Variants in MPHOSPH9 observed in about 807,000 individuals in gnomAD.
MPHOSPH9 encodes M-phase phosphoprotein 9.
A neutral mutation model predicts 145.5 loss-of-function variants in MPHOSPH9; 88 were observed. The observed-to-expected ratio is 0.60, with a 90% confidence interval of 0.51 to 0.72. The LOEUF (loss-of-function observed/expected upper bound fraction) is 0.72. Among genes scored for constraint, MPHOSPH9 ranks in the 30% least tolerant of loss-of-function variants. The pLI is 0.00. For synonymous variants in MPHOSPH9, 435 were observed against 486.2 expected, an observed-to-expected ratio of 0.89 and a Z score of 1.39; for missense variants, 1,238 against 1,386.6, an observed-to-expected ratio of 0.89 and a Z score of 1.70.
intron 17 of MPHOSPH9, chr12:123,166,418 T>G: frequency 1.9e-6 from 1 of 522,466 alleles, no homozygotes; most frequent in South Asian, 2.3e-5. Flanking sequence ...AGGATCGACA[T>G]CCTATCCTAA....
chr12:123,163,066 A>C lies in MPHOSPH9; in HGVS notation c.2977T>G (p.Leu993Val). The C allele has an allele frequency of 6.3e-7, 1 of 1,597,982 alleles. No homozygotes were observed. Among genetic ancestry groups the C allele is most frequent in the East Asian group, 2.3e-5 (1 of 43,966 alleles). ...YSPKRSPKENLSPGFSHLLSK... is the reference protein window; with the variant it reads ...YSPKRSPKENVSPGFSHLLSK... ...AGCAGATGACTAAATCCTGGGGACA[A>C]GTTTTCTTTAGGGGATCGCTTTGGA... The change falls in exon 20 of 24, where the codon TTG becomes GTG. Residue 993 changes from leucine to valine, a missense_variant. By Grantham distance (32) the Leu-to-Val change is conservative (BLOSUM62 1). This residue lies in a region of MPHOSPH9 where 393 missense variants were observed against 462.5 expected (regional missense o/e 0.85). Coordinates refer to ENST00000606320, the MANE Select transcript of MPHOSPH9 (RefSeq NM_022782.4).
chr12:123,212,766 CT>C (rs769159602), intron 7 of MPHOSPH9, among the ~76,000 whole-genome samples: 8,806 of 93,796 alleles, frequency 0.094, 1,043 homozygotes, highest in African/African-American at 0.29. Context: ...CAATGGTCGA[CT>C]TTTTTTTTTT....
Position 123,218,525 on chromosome 12 carries a change from T to C in MPHOSPH9, c.873-26A>G, listed in dbSNP as rs201880029. On this transcript the variant is annotated intron_variant, in intron 5 of 23. Transcript: ENST00000606320. ...CTATTTAAGAAGAGAAAACCAAAAT[T>C]ACTTTTTTTTTTTGTTTTGAGACAG... 5.3e-5 allele frequency: 85 copies of C among 1,605,902 alleles called. No individual in the cohort carries two copies. The African/African-American group carries it at 1.1e-3, about 21-fold the overall frequency.
Position 123,162,203 on chromosome 12 carries a change from C to A in MPHOSPH9, c.3045G>T (p.Leu1015Phe). ...ACACAGGAACAGTATCTAAATCATCCAAAAGTATATCAAATCTATTGAATG... is the reference window on the plus strand; with the variant it reads ...ACACAGGAACAGTATCTAAATCATCAAAAAGTATATCAAATCTATTGAATG... Reference protein sequence around the residue: ...ESSPIRFDILLDDLDTVPVST... With the variant: ...ESSPIRFDILFDDLDTVPVST... The change falls in exon 21 of 24, where the codon TTG becomes TTT. Residue 1015 changes from leucine to phenylalanine, a missense_variant. By Grantham distance (22) the Leu-to-Phe change is conservative. Transcript: ENST00000606320. 1 of 1,512,740 alleles carries A rather than the reference C, an allele frequency of 6.6e-7. No homozygotes were observed. The highest frequency in any genetic ancestry group is 8.9e-7 in the Non-Finnish European group (1 of 1,123,168). The allele number at this position is 1,512,740 out of a possible 1,614,324, so 93.7% of individuals were successfully genotyped here.
At chr12:123,208,533 CAAAAA>C (rs373218740) in intron 8 of MPHOSPH9, among the ~76,000 whole-genome samples, 1 of 111,180 alleles carries the variant, frequency 9.0e-6, no homozygotes. Flanking sequence ...GAAACTGTCT[CAAAAA>C]AAAAAAAAAA....
chr12:123,165,547 C>G, intron 17 of MPHOSPH9, 70 bp from the exon 18 acceptor site: 1 of 1,354,348 alleles, frequency 7.4e-7, no homozygotes, highest in Non-Finnish European at 1.0e-6. Context: ...CGCCCCCACA[C>G]CAAACATACA....
At chr12:123,227,744 T>C (rs1424394870) in intron 2 of MPHOSPH9, 128 bp from the exon 3 acceptor site, 3 of 765,096 alleles carry the variant, frequency 3.9e-6, no homozygotes, top group Non-Finnish European at 5.5e-6. Flanking sequence ...GCACCTCATT[T>C]GTTCAAAATC....
chr12:123,235,474 C>T (rs1027502418), upstream of MPHOSPH9, among the ~76,000 whole-genome samples: 11 of 151,972 alleles, frequency 7.2e-5, no homozygotes, highest in Non-Finnish European at 1.0e-4. Context: ...ACGCCATTCT[C>T]CTGCCTTAGC....
intron 9 of MPHOSPH9, 42 bp downstream of exon 9, chr12:123,203,208 A>G: frequency 6.2e-7 from 1 of 1,606,646 alleles, no homozygotes; most frequent in South Asian, 1.1e-5. Context: ...AGAGTCAGGA[A>G]GCATTGTTCA....
At chr12:123,156,933 T>A (rs776353025) in intron 23 of MPHOSPH9, 25 bp from the exon 24 acceptor site, 1 of 1,562,682 alleles carries the variant, frequency 6.4e-7, no homozygotes, top group Non-Finnish European at 8.8e-7. Context: ...TGGGAAAAGT[T>A]TAATTAGAAT....
In MPHOSPH9 at chr12:123,165,481, AAAC is replaced by A; in HGVS notation, c.2592-7_2592-5del. The stretch of plus-strand genomic sequence containing the variant: ...CTTTTCCAGAGGTGAACGGTGCCTT[AAAC>A]AATAATTTTAAGACATACAGTGCTA... On this transcript the variant is annotated splice_polypyrimidine_tract_variant and splice_region_variant and intron_variant, in intron 17 of 23. Transcript: ENST00000606320. 6.2e-7 allele frequency: 1 copy of A among 1,612,246 alleles called. No individual in the cohort carries two copies. The highest frequency in any genetic ancestry group is 8.5e-7 in the Non-Finnish European group (1 of 1,179,392).
At chr12:123,157,269 T>C (rs893748471) in intron 23 of MPHOSPH9, among the ~76,000 whole-genome samples, 2 of 151,280 alleles carry the variant, frequency 1.3e-5, no homozygotes, top group African/African-American at 4.9e-5. Context: ...CCAGAAGAAA[T>C]GGACACATTT....
At chr12:123,184,823 A>G (rs888098919) in intron 13 of MPHOSPH9, among the ~76,000 whole-genome samples, 1 of 151,614 alleles carries the variant, frequency 6.6e-6, no homozygotes, top group African/African-American at 2.4e-5. Flanking sequence ...TTATCTTTTG[A>G]GACAGAGTCT....
intron 2 of MPHOSPH9, among the ~76,000 whole-genome samples, chr12:123,229,395 AAAAT>A (rs1172086905): frequency 6.6e-6 from 1 of 152,250 alleles, no homozygotes; most frequent in Admixed American, 6.5e-5. Context: ...AGACCATTAA[AAAAT>A]AAAAAACCAA....
In MPHOSPH9 at chr12:123,227,613, A is replaced by G; in HGVS notation, c.108T>C (p.Ser36=). ...SLGLNLNTDR[S]SPHLSTNGVS... is the part of the protein sequence containing the mutation. ...CCCCATTTGTACTAAGGTGGGGACT[A>G]CTTCTGTTGAAACATAAATAATTCA... is the stretch of plus-strand genomic sequence containing the variant. Residue 36 remains serine (S), a synonymous_variant, in exon 3 of 24, where the codon AGT becomes AGC. Transcript: ENST00000606320. The G allele has an allele frequency of 1.3e-6, 2 of 1,501,410 alleles. No individual in the cohort carries two copies. Among genetic ancestry groups the G allele is most frequent in the East Asian group, 2.5e-5 (1 of 40,606 alleles). The allele number at this position is 1,501,410 out of a possible 1,614,324, so 93.0% of individuals were successfully genotyped here. A position where few individuals can be genotyped will look rare whatever the true frequency, so the allele number is the denominator to read the frequency against.
At chr12:123,181,075 C>G in intron 14 of MPHOSPH9, 88 bp downstream of exon 14, 4 of 1,230,006 alleles carry the variant, frequency 3.3e-6, no homozygotes, top group Non-Finnish European at 4.8e-6. Context: ...GGAAGGGGTG[C>G]AAGGAGGAGA....
At chr12:123,168,345 T>C (rs1345869667) in intron 16 of MPHOSPH9, among the ~76,000 whole-genome samples, 2 of 150,124 alleles carry the variant, frequency 1.3e-5, no homozygotes, top group Non-Finnish European at 1.5e-5. Context: ...GACTTTCTTT[T>C]TTTTTTTTTT....
upstream of MPHOSPH9, among the ~76,000 whole-genome samples, chr12:123,234,172 C>T (rs1047523157): frequency 6.6e-6 from 1 of 152,174 alleles, no homozygotes; most frequent in South Asian, 2.1e-4. Context: ...ACTGTGCAGG[C>T]CACATTCTTC....
downstream of MPHOSPH9, chr12:123,153,306 G>A (rs531788816): frequency 9.2e-5 from 14 of 152,224 alleles, no homozygotes; most frequent in African/African-American, 3.4e-4. Flanking sequence ...AATTTTTGGT[G>A]GCTAAAAAAC....
Sources: gnomAD v4.1 joint callset for allele counts (sites outside exome capture counted in the v4.1 genomes callset) on GRCh38, gnomAD v4.1.1 for gene constraint, gnomAD v4.1.1 regional missense constraint, MANE v1.5 for transcripts, NCBI Gene and HGNC (gene_info 2026-07-23, HGNC 2026-07-21) for gene names.